Variants in ZNF236 observed in about 807,000 individuals in gnomAD.
ZNF236 encodes zinc finger protein 236, also known as regulated by glucose.
A neutral mutation model predicts 191.2 loss-of-function variants in ZNF236; 50 were observed. That is an observed-to-expected ratio of 0.26 (90% CI 0.21 to 0.33). The LOEUF (loss-of-function observed/expected upper bound fraction) is 0.33, where lower values mean the gene tolerates loss of function less well. Ranked by LOEUF, ZNF236 falls within the 10% of genes least tolerant of loss-of-function variation. ZNF236 has a pLI of 1.00. For synonymous variants in ZNF236, 907 were observed against 928.8 expected, an observed-to-expected ratio of 0.98 and a Z score of 0.43; for missense variants, 1,754 against 2,374.5, an observed-to-expected ratio of 0.74 and a Z score of 5.43.
rs1279325037 is a variant in ZNF236, at chr18:76,960,334, G to A, written c.5243-345G>A. Among the ~76,000 whole-genome samples, 4 of 152,166 alleles carry A rather than the reference G, an allele frequency of 2.6e-5. No homozygotes were observed. The highest frequency in any genetic ancestry group is 5.9e-5 in the Non-Finnish European group (4 of 68,040). ...TGACTGTACATGATAGCTCGTGTCA[G>A]CCCTTCCGTCTCCGCCCTGCCCTAA... On this transcript the variant is annotated intron_variant, in intron 29 of 30. Coordinates refer to ENST00000320610, the MANE Select transcript of ZNF236 (RefSeq NM_001306089.2). The surrounding 1 kb of genome is among the most constrained non-coding windows in gnomAD (Gnocchi z 4.4).
At chr18:76,873,004 A>T (rs76083971) in intron 5 of ZNF236, among the ~76,000 whole-genome samples, 2,322 of 152,324 alleles carry the variant, frequency 0.015, 27 homozygotes, top group Middle Eastern at 0.02. Flanking sequence ...ATATGTCAGC[A>T]TAAAGTTAAT....
chr18:76,955,356 G>A (rs1415928110), intron 27 of ZNF236, among the ~76,000 whole-genome samples: 1 of 152,170 alleles, frequency 6.6e-6, no homozygotes, highest in African/African-American at 2.4e-5. Flanking sequence ...GTTTGAGGCT[G>A]TCCTGAGCTG....
chr18:76,840,780 T>TGTGTGTGTGTGTGTGTGTGTGCGC (rs1555685335), intron 1 of ZNF236: 6 of 84,718 alleles, frequency 7.1e-5, no homozygotes, highest in African/African-American at 2.6e-4. Flanking sequence ...ATAACCTGTG[T>TGTGTGTGTGTGTGTGTGTGTGCGC]GTGTGTGTGT....
chr18:76,835,683 A>G (rs548065522), intron 1 of ZNF236, among the ~76,000 whole-genome samples: 1 of 152,132 alleles, frequency 6.6e-6, no homozygotes, highest in African/African-American at 2.4e-5. Flanking sequence ...CTTATATGTA[A>G]GTTATATCTC....
chr18:76,935,918 C>T (rs1032371176), intron 25 of ZNF236: 67 of 454,650 alleles, frequency 1.5e-4, no homozygotes, highest in Admixed American at 4.7e-5. Flanking sequence ...ATCTGTGGAG[C>T]CCCGGCGGCT....
In ZNF236 at chr18:76,899,202, C is replaced by A; in HGVS notation, c.1874C>A (p.Pro625Gln). Residue 625 changes from proline (P) to glutamine (Q), a missense_variant, in exon 11 of 31, where the codon CCA becomes CAA. Around this residue, in one of 5 missense-constraint regions of ZNF236, gnomAD observed 641 missense variants for 869.6 expected, o/e 0.74. Coordinates refer to ENST00000320610, the MANE Select transcript of ZNF236 (RefSeq NM_001306089.2). ...GTCCCTGATATTCCTTTGCAGGAAC[C>A]AATCCTCATAACTGACTTAGGTAAG... ...IPVPDIPLQE[P>Q]ILITDLGLIQ... is the part of the protein sequence containing the mutation. 6.2e-7 allele frequency: 1 copy of A among 1,613,816 alleles called. No homozygotes were observed. The highest frequency in any genetic ancestry group is 1.1e-5 in the South Asian group (1 of 91,060).
chr18:76,883,621 T>G (rs932431488), intron 9 of ZNF236, among the ~76,000 whole-genome samples: 1 of 152,064 alleles, frequency 6.6e-6, no homozygotes, highest in Admixed American at 6.6e-5. Flanking sequence ...AGAGCTGAGG[T>G]CTTGCTATGT....
In ZNF236 at chr18:76,919,178, G is replaced by A. The variant is rs1330381615; in HGVS notation, c.3275-598G>A. Reference sequence around the variant, plus strand: ...TTGTGTGGACACTGTCAGCCTCAAAGCTTACTCCTGAATTTTCAGGGAGGT... The same window carrying A: ...TTGTGTGGACACTGTCAGCCTCAAAACTTACTCCTGAATTTTCAGGGAGGT... On this transcript the variant is annotated intron_variant, in intron 19 of 30. Transcript: ENST00000320610. The surrounding 1 kb of genome is among the most constrained non-coding windows in gnomAD (Gnocchi z 5.3). Among the ~76,000 whole-genome samples, 1 of 152,114 alleles carries A rather than the reference G, an allele frequency of 6.6e-6. No homozygotes were observed. The highest frequency in any genetic ancestry group is 6.5e-5 in the Admixed American group (1 of 15,274).
rs1406170267 is a variant in ZNF236 at position 76,904,398 on chromosome 18, C to T, written c.1913C>T (p.Pro638Leu). 6.2e-7 allele frequency: 1 copy of T among 1,607,984 alleles called. No homozygotes were observed. Among genetic ancestry groups the T allele is most frequent in the Non-Finnish European group, 8.5e-7 (1 of 1,177,492 alleles). ...ITDLGLIQPI[P>L]KNQFFQSYFN... ...TTTGTAGGTCTCATCCAGCCCATTC[C>T]AAAAAACCAGTTTTTCCAAAGCTAT... is the stretch of plus-strand genomic sequence containing the variant. The change falls in exon 12 of 31, where the codon CCA becomes CTA. Residue 638 changes from proline to leucine, a missense_variant. Transcript: ENST00000320610.
intron 3 of ZNF236, 102 bp downstream of exon 3, chr18:76,852,041 T>C: frequency 1.6e-6 from 2 of 1,217,540 alleles, no homozygotes; most frequent in Non-Finnish European, 2.3e-6. Flanking sequence ...TGAAAGCCTT[T>C]TGTGTAGATT....
chr18:76,903,510 A>G (rs1043847041), intron 11 of ZNF236, among the ~76,000 whole-genome samples: 3 of 152,196 alleles, frequency 2.0e-5, no homozygotes, highest in African/African-American at 7.2e-5. Flanking sequence ...ATTGTATAGC[A>G]GTTAAGGTAC....
chr18:76,865,923 C>G (rs970803259), intron 3 of ZNF236, among the ~76,000 whole-genome samples: 1 of 152,150 alleles, frequency 6.6e-6, no homozygotes, highest in African/African-American at 2.4e-5. Context: ...GTTTTACTTT[C>G]AGAACACTGA....
chr18:76,871,913 T>G (rs1976594750), intron 5 of ZNF236, 88 bp downstream of exon 5: 1 of 1,495,616 alleles, frequency 6.7e-7, no homozygotes, highest in Admixed American at 1.8e-5. Flanking sequence ...TGGAATCTGA[T>G]CCCAGCTTTC....
At chr18:76,940,826 G>A (rs939183295) in intron 26 of ZNF236, among the ~76,000 whole-genome samples, 2 of 152,196 alleles carry the variant, frequency 1.3e-5, no homozygotes, top group Non-Finnish European at 2.9e-5. Context: ...ACCTGTCCAT[G>A]GTCTGTTAGC....
In ZNF236 at chr18:76,960,043, T is replaced by A. The variant is rs1968624260; in HGVS notation, c.5242+227T>A. ...ATTATGACCATATGAAACAGAAGCA[T>A]CAGGCAAGCCTCCCGTGCCGTGTCT... On this transcript the variant is annotated intron_variant, in intron 29 of 30. Coordinates refer to ENST00000320610, the MANE Select transcript of ZNF236 (RefSeq NM_001306089.2). This position sits in a 1 kb window ranked among gnomAD's most constrained non-coding sequence, Gnocchi z 4.4. 6.6e-6 allele frequency among the ~76,000 whole-genome samples: 1 copy of A among 152,204 alleles called. No individual in the cohort carries two copies. Among genetic ancestry groups the A allele is most frequent in the East Asian group, 1.9e-4 (1 of 5,194 alleles).
At chr18:76,946,852 A>G (rs1968274631) in intron 26 of ZNF236, among the ~76,000 whole-genome samples, 1 of 152,238 alleles carries the variant, frequency 6.6e-6, no homozygotes, top group South Asian at 2.1e-4. Context: ...TTTTTTAAAT[A>G]TACACACATG....
intron 26 of ZNF236, among the ~76,000 whole-genome samples, chr18:76,942,588 T>G (rs2122898001): frequency 6.6e-6 from 1 of 151,842 alleles, no homozygotes; most frequent in African/African-American, 2.4e-5. Flanking sequence ...CTCCGCTCAG[T>G]GCAAGCTCCG....
In ZNF236 at chr18:76,927,909, C is replaced by G; in HGVS notation, c.4415-18C>G. ...TATTTTGAATCTCAACTTTGTTTTGCTTTGTAATGACAATCAGGGACCCAA... is the reference window on the plus strand; with the variant it reads ...TATTTTGAATCTCAACTTTGTTTTGGTTTGTAATGACAATCAGGGACCCAA... On this transcript the variant is annotated intron_variant, in intron 24 of 30. Coordinates refer to ENST00000320610, the MANE Select transcript of ZNF236 (RefSeq NM_001306089.2). The surrounding 1 kb of genome is among the most constrained non-coding windows in gnomAD (Gnocchi z 5.4). The G allele has an allele frequency of 6.5e-7, 1 of 1,538,732 alleles. No individual in the cohort carries two copies. The highest frequency in any genetic ancestry group is 8.7e-7 in the Non-Finnish European group (1 of 1,143,738).
At chr18:76,943,749 G>A (rs1224171601) in intron 26 of ZNF236, among the ~76,000 whole-genome samples, 2 of 152,174 alleles carry the variant, frequency 1.3e-5, no homozygotes, top group Non-Finnish European at 1.5e-5. Context: ...AGAGTCATCT[G>A]GCCCATGCTG....
Sources: gnomAD v4.1 joint callset for allele counts (sites outside exome capture counted in the v4.1 genomes callset) on GRCh38, gnomAD v4.1.1 for gene constraint, gnomAD v4.1.1 regional missense constraint, Gnocchi (gnomAD v3.1) non-coding constraint, MANE v1.5 for transcripts, NCBI Gene and HGNC (gene_info 2026-07-23, HGNC 2026-07-21) for gene names.